The following ANKFN1 variants were observed in gnomAD, a reference collection of about 807,000 sequenced individuals.
ANKFN1 encodes the protein ankyrin repeat and fibronectin type III domain containing 1.
A neutral mutation model predicts 108.7 loss-of-function variants in ANKFN1; 74 were observed. The observed-to-expected ratio is 0.68, with a 90% CI of 0.56 to 0.83. The LOEUF is 0.83. Ranked by LOEUF, ANKFN1 falls within the 40% of genes least tolerant of loss-of-function variation. The probability of loss-of-function intolerance (pLI) is 0.00; values close to 1 mark genes in which losing one functional copy is unlikely to be tolerated. For missense variants in ANKFN1, 1,505 were observed against 1,382.3 expected (o/e 1.09, Z -1.41); for synonymous variants, 547 against 516.2 (o/e 1.06, Z -0.81).
intron 7 of ANKFN1, among the ~76,000 whole-genome samples, chr17:56,373,698 C>T (rs1327030703): frequency 6.6e-6 from 1 of 152,180 alleles, no homozygotes; most frequent in Non-Finnish European, 1.5e-5. Context: ...TCTCTTGGAG[C>T]AAATAACTTA....
chr17:56,436,348 C>T (rs1037444029), intron 8 of ANKFN1, among the ~76,000 whole-genome samples: 6 of 152,148 alleles, frequency 3.9e-5, no homozygotes, highest in African/African-American at 1.4e-4. Flanking sequence ...CGCAATTAAG[C>T]CCTGCTTTTC....
Position 56,404,055 on chromosome 17 carries a change from T to C in ANKFN1, c.910+29341T>C, listed in dbSNP as rs535138461. Among the ~76,000 whole-genome samples the C allele has an allele frequency of 7.2e-5, 11 of 152,220 alleles. No individual in the cohort carries two copies. The South Asian group carries it at 2.3e-3, about 32-fold the overall frequency. On this transcript the variant is annotated intron_variant, in intron 8 of 20. Transcript: ENST00000682825. ...TCTTCTGCTAATCCAAGTTTTTCCT[T>C]TATAGGTTACCTGATGCTTCTGTCT...
chr17:56,380,230 A>G (rs1027860021), intron 8 of ANKFN1, among the ~76,000 whole-genome samples: 1 of 152,208 alleles, frequency 6.6e-6, no homozygotes, highest in Non-Finnish European at 1.5e-5. Flanking sequence ...GTTATGAATG[A>G]ACTCTCTTTT....
intron 16 of ANKFN1, among the ~76,000 whole-genome samples, chr17:56,478,404 A>T (rs2145355413): frequency 6.6e-6 from 1 of 152,234 alleles, no homozygotes; most frequent in Non-Finnish European, 1.5e-5. Context: ...GATTCCCCCG[A>T]TCTTAAAAAA....
intron 3 of ANKFN1, among the ~76,000 whole-genome samples, chr17:56,302,876 G>A (rs938336014): frequency 1.3e-5 from 2 of 152,304 alleles, no homozygotes; most frequent in Admixed American, 1.3e-4. Context: ...TTAAATAGCT[G>A]CATGGTATTC....
intron 4 of ANKFN1, among the ~76,000 whole-genome samples, chr17:56,335,199 C>T (rs543480505): frequency 3.3e-5 from 5 of 152,190 alleles, no homozygotes; most frequent in African/African-American, 9.6e-5. Flanking sequence ...CTTGGCAATG[C>T]GGGCTCTTTT....
chr17:56,072,998 C>CT (rs111262166), intron 4 of ANKFN1, among the ~76,000 whole-genome samples: 9,865 of 147,016 alleles, frequency 0.067, 371 homozygotes, highest in African/African-American at 0.12. Context: ...TTATTATTTT[C>CT]TTTTTTTTTT....
intron 15 of ANKFN1, among the ~76,000 whole-genome samples, chr17:56,469,959 C>A (rs1424028260): frequency 6.6e-6 from 1 of 151,974 alleles, no homozygotes; most frequent in East Asian, 1.9e-4. Flanking sequence ...TACCAACAGG[C>A]CCCAATGTAG....
At chr17:56,087,662 G>T (rs2143183200) in intron 4 of ANKFN1, among the ~76,000 whole-genome samples, 1 of 151,380 alleles carries the variant, frequency 6.6e-6, no homozygotes, top group East Asian at 1.9e-4. Context: ...TTAACATTGT[G>T]ATGGACGTTC....
intron 3 of ANKFN1, among the ~76,000 whole-genome samples, chr17:56,325,527 C>T (rs2045492917): frequency 6.6e-6 from 1 of 152,198 alleles, no homozygotes; most frequent in Non-Finnish European, 1.5e-5. Context: ...CTGGAATCTT[C>T]TTCCTGAGAC....
At position 56,192,007 on chromosome 17, in the gene ANKFN1, G is replaced by A. The variant is rs545449644; in HGVS notation, c.-70-20591G>A. On this transcript the variant is annotated intron_variant, in intron 1 of 20. Coordinates refer to ENST00000682825, the MANE Select transcript of ANKFN1 (RefSeq NM_001370326.1). ...ACCCTTTCTTCCAGTTGATCGCATCGGCTCCTGAGGCTTCTGCATTCTTCA... is the reference window on the plus strand; with the variant it reads ...ACCCTTTCTTCCAGTTGATCGCATCAGCTCCTGAGGCTTCTGCATTCTTCA... 1.8e-3 allele frequency among the ~76,000 whole-genome samples: 266 copies of A among 151,670 alleles called. 3 individuals are homozygous for A. Among genetic ancestry groups the A allele is most frequent in the African/African-American group, 6.2e-3 (257 of 41,308 alleles).
intron 3 of ANKFN1, among the ~76,000 whole-genome samples, chr17:56,322,134 TA>T (rs142642606): frequency 2.6e-5 from 4 of 151,768 alleles, no homozygotes; most frequent in Admixed American, 6.6e-5. Context: ...TTCTCTGTCT[TA>T]AAAAAAAGAG....
chr17:56,340,398 C>T (rs531580951), intron 4 of ANKFN1, among the ~76,000 whole-genome samples: 5 of 151,900 alleles, frequency 3.3e-5, no homozygotes, highest in Admixed American at 3.3e-4. Context: ...TCCTGAATGA[C>T]ACAGCCTAGG....
At chr17:56,198,265 A>G (rs79659132) in intron 1 of ANKFN1, among the ~76,000 whole-genome samples, 1 of 152,344 alleles carries the variant, frequency 6.6e-6, no homozygotes, top group Non-Finnish European at 1.5e-5. Context: ...TAATAAAAAT[A>G]GGTTTTACTA....
chr17:56,165,752 T>A (rs1910082946), intron 1 of ANKFN1, among the ~76,000 whole-genome samples: 1 of 152,170 alleles, frequency 6.6e-6, no homozygotes, highest in Admixed American at 6.5e-5. Context: ...TAGTCTGGGT[T>A]TTCTGGAGGA....
intron 3 of ANKFN1, among the ~76,000 whole-genome samples, chr17:56,277,089 A>G (rs973748219): frequency 6.6e-6 from 1 of 152,268 alleles, no homozygotes. Context: ...TATGAAATAT[A>G]GAAGCCATTC....
At chr17:56,377,217 T>A (rs1464793503) in intron 8 of ANKFN1, among the ~76,000 whole-genome samples, 2 of 152,218 alleles carry the variant, frequency 1.3e-5, no homozygotes, top group Non-Finnish European at 2.9e-5. Context: ...TAGGGTGTAT[T>A]TCAAAGGAAA....
intron 1 of ANKFN1, among the ~76,000 whole-genome samples, chr17:56,175,484 G>C (rs965372751): frequency 1.6e-4 from 25 of 152,170 alleles, no homozygotes; most frequent in Non-Finnish European, 3.2e-4. Context: ...GTGGTGAGTT[G>C]AGTTGTTTGG....
intron 1 of ANKFN1, among the ~76,000 whole-genome samples, chr17:56,183,471 A>G (rs1911883395): frequency 6.6e-6 from 1 of 152,194 alleles, no homozygotes; most frequent in Non-Finnish European, 1.5e-5. Flanking sequence ...CAGATCCCCC[A>G]TGAATGGCTT....
Sources: gnomAD v4.1 joint callset for allele counts (sites outside exome capture counted in the v4.1 genomes callset) on GRCh38, gnomAD v4.1.1 for gene constraint, MANE v1.5 for transcripts, NCBI Gene and HGNC (gene_info 2026-07-23, HGNC 2026-07-21) for gene names.